FBN1: variants seen among roughly 807,000 people sequenced by gnomAD.
FBN1 encodes the protein fibrillin-1.
FBN1 carries 29 observed loss-of-function variants against 365.1 expected under a neutral mutation model. The observed-to-expected ratio is 0.08, with a 90% confidence interval of 0.06 to 0.11. The LOEUF (loss-of-function observed/expected upper bound fraction) is 0.11. Ranked by LOEUF, FBN1 falls within the 10% of genes least tolerant of loss-of-function variation. The probability of loss-of-function intolerance (pLI) is 1.00; values close to 1 mark genes in which losing one functional copy is unlikely to be tolerated. For missense variants in FBN1, 2,476 were observed against 3,703.2 expected (o/e 0.67, Z 8.60); for synonymous variants, 1,210 against 1,270.5 (o/e 0.95, Z 1.01).
In FBN1 at chr15:48,428,355, C is replaced by T. The variant is rs1042807324; in HGVS notation, c.6988G>A (p.Glu2330Lys). 1.5e-5 allele frequency: 24 copies of T among 1,613,980 alleles called. No homozygotes were observed. The East Asian group carries it at 3.3e-4, about 22-fold the overall frequency. ...DGFTASPNQD[E>K]CLDNREGYCF... The stretch of plus-strand genomic sequence containing the variant: ...TGCCAACTGTACTCACCAAGGCACT[C>T]GTCCTGGTTGGGGCTGGCGGTAAAC... Residue 2330 changes from glutamate to lysine, a missense_variant, in exon 57 of 66, where the codon GAG becomes AAG. Glu to Lys is a moderately conservative substitution (Grantham distance 56, BLOSUM62 1). Transcript: ENST00000316623.
At chr15:48,587,064 T>G (rs1020637541) in intron 6 of FBN1, among the ~76,000 whole-genome samples, 30 of 152,158 alleles carry the variant, frequency 2.0e-4, no homozygotes, top group Non-Finnish European at 1.5e-5. Flanking sequence ...AAAAATGATA[T>G]TATATCCATG....
In FBN1 at chr15:48,569,163, G is replaced by T. The variant is rs530773043; in HGVS notation, c.538+27120C>A. 5.3e-5 allele frequency among the ~76,000 whole-genome samples: 8 copies of T among 152,082 alleles called. 1 individual carries two copies. In the East Asian group the frequency reaches 1.5e-3, roughly 29 times the overall value. ...GAAGATAACCCAATTTTAAAAGCCG[G>T]CAAGACATTAGAGTAAACATGTTAC... On this transcript the variant is annotated intron_variant, in intron 6 of 65. Transcript: ENST00000316623.
intron 43 of FBN1, 94 bp from the exon 44 acceptor site, chr15:48,456,856 G>GTT: frequency 1.8e-6 from 2 of 1,098,868 alleles, no homozygotes; most frequent in Non-Finnish European, 2.7e-6. Context: ...GTGTGTGTGT[G>GTT]TGTGTGTGTG....
At chr15:48,466,425 T>C (rs896827531) in intron 38 of FBN1, among the ~76,000 whole-genome samples, 4 of 152,250 alleles carry the variant, frequency 2.6e-5, no homozygotes, top group Non-Finnish European at 4.4e-5. Context: ...TTCTATAGTG[T>C]CCTTGGGTTT....
rs1200108913 is a variant in FBN1 at position 48,535,799 on chromosome 15, TTA to T, written c.737-1596_737-1595del. ...TGATTATATGTGGAAAATCATTAAA[TTA>T]TGTTTTCTAGCCAATTTCAGTTTTG... On this transcript the variant is annotated intron_variant, in intron 7 of 65. Transcript: ENST00000316623. 5.3e-5 allele frequency among the ~76,000 whole-genome samples: 8 copies of T among 152,352 alleles called. No individual in the cohort carries two copies. The East Asian group carries it at 1.2e-3, about 22-fold the overall frequency.
chr15:48,541,277 T>C (rs2044055799), intron 6 of FBN1, among the ~76,000 whole-genome samples: 1 of 152,240 alleles, frequency 6.6e-6, no homozygotes, highest in Admixed American at 6.5e-5. Flanking sequence ...ATTTGGCGAA[T>C]ACTTTATGTA....
In FBN1 at chr15:48,425,355, C is replaced by G; in HGVS notation, c.7453+14G>C. 6.2e-7 allele frequency: 1 copy of G among 1,613,980 alleles called. No individual in the cohort carries two copies. The highest frequency in any genetic ancestry group is 8.5e-7 in the Non-Finnish European group (1 of 1,179,978). ...CAGGAGCTAGGTGAGGGGCAATGGT[C>G]AATTCTACTTTACCTTTGCAGCTCC... On this transcript the variant is annotated intron_variant, in intron 60 of 65. Transcript: ENST00000316623.
chr15:48,536,069 A>AC (rs1436217173), intron 7 of FBN1, among the ~76,000 whole-genome samples: 3 of 152,152 alleles, frequency 2.0e-5, no homozygotes, highest in Non-Finnish European at 4.4e-5. Context: ...GACTGGAAAC[A>AC]CCAGCAAGGA....
Position 48,415,697 on chromosome 15 carries a change from C to G in FBN1, c.7890G>C (p.Lys2630Asn). Residue 2630 changes from lysine to asparagine, a missense_variant, in exon 64 of 66, where the codon AAG (lysine) becomes AAC (asparagine). By Grantham distance (94) the Lys-to-Asn change is moderately conservative. This residue lies in a region of FBN1 where 1,780 missense variants were observed against 2,840.8 expected (regional missense o/e 0.63). Transcript: ENST00000316623. ...ASCHNTLGSY[K>N]CMCPAGFQYE... ...ACTGGAAGCCGGCGGGACACATGCA[C>G]TTGTAGCTCCCCAGGGTGTTGTGAC... 6.2e-7 allele frequency: 1 copy of G among 1,614,254 alleles called. No homozygotes were observed. Among genetic ancestry groups the G allele is most frequent in the Non-Finnish European group, 8.5e-7 (1 of 1,180,036 alleles).
At chr15:48,468,606 G>A in intron 36 of FBN1, 72 bp from the exon 37 acceptor site, 1 of 1,543,390 alleles carries the variant, frequency 6.5e-7, no homozygotes, top group Non-Finnish European at 8.9e-7. Flanking sequence ...AAAAGAACAG[G>A]GCCCAATCTA....
chr15:48,451,497 C>T (rs952371540), intron 45 of FBN1, among the ~76,000 whole-genome samples: 2 of 151,850 alleles, frequency 1.3e-5, no homozygotes, highest in African/African-American at 4.8e-5. Flanking sequence ...GCAATTACAC[C>T]CTCTTCCCAC....
At chr15:48,572,180 A>T (rs2044310889) in intron 6 of FBN1, among the ~76,000 whole-genome samples, 1 of 152,176 alleles carries the variant, frequency 6.6e-6, no homozygotes, top group Non-Finnish European at 1.5e-5. Context: ...ATCTATTATG[A>T]ATATGGATTA....
chr15:48,575,124 G>A (rs542535361), intron 6 of FBN1, among the ~76,000 whole-genome samples: 1 of 152,302 alleles, frequency 6.6e-6, no homozygotes, highest in South Asian at 2.1e-4. Context: ...ATGAAAGACA[G>A]GAGTATTCTT....
intron 6 of FBN1, among the ~76,000 whole-genome samples, chr15:48,576,414 G>T (rs1318599605): frequency 6.6e-6 from 1 of 152,018 alleles, no homozygotes; most frequent in Non-Finnish European, 1.5e-5. Context: ...CTCCCTTTGT[G>T]CACATGTCTA....
intron 54 of FBN1, among the ~76,000 whole-genome samples, chr15:48,433,697 G>T (rs893181447): frequency 1.3e-5 from 2 of 152,190 alleles, no homozygotes; most frequent in Non-Finnish European, 2.9e-5. Flanking sequence ...CTATCATGTT[G>T]CTCCCCAAGG....
chr15:48,633,430 C>T (rs1042897972), intron 2 of FBN1, among the ~76,000 whole-genome samples: 2 of 152,190 alleles, frequency 1.3e-5, no homozygotes, highest in Admixed American at 6.5e-5. Context: ...GACTCTTTGA[C>T]TGCCAATTAG....
rs898503215 is a variant in FBN1 at position 48,410,008 on chromosome 15, CTT to C, written c.*980_*981del. The C allele has an allele frequency of 1.3e-5, 2 of 152,570 alleles. No individual in the cohort carries two copies. The highest frequency in any genetic ancestry group is 4.8e-5 in the African/African-American group (2 of 41,428). 9.5% of individuals were successfully genotyped at this position (152,570 alleles called of 1,614,324 possible). A position where few individuals can be genotyped will look rare whatever the true frequency, so the allele number is the denominator to read the frequency against. On this transcript the variant is annotated 3_prime_UTR_variant, in exon 66 of 66. Transcript: ENST00000316623. ...CCCAGGATAATTTAAATCCAGGAGACTTTATTTAGCCTCCGGAATGGCCCCTC... is the reference window on the plus strand; with the variant it reads ...CCCAGGATAATTTAAATCCAGGAGACTATTTAGCCTCCGGAATGGCCCCTC...
chr15:48,564,057 C>G (rs1460337309), intron 6 of FBN1, among the ~76,000 whole-genome samples: 5 of 152,090 alleles, frequency 3.3e-5, no homozygotes, highest in Non-Finnish European at 5.9e-5. Flanking sequence ...CATCTGGATC[C>G]TTTTATATAC....
Position 48,421,932 on chromosome 15 carries a change from T to C in FBN1, c.7570+20A>G, listed in dbSNP as rs1323030606. 3 of 1,541,448 alleles carry C rather than the reference T, an allele frequency of 1.9e-6. No homozygotes were observed. The highest frequency in any genetic ancestry group is 2.2e-5 in the East Asian group (1 of 44,522). On this transcript the variant is annotated intron_variant, in intron 61 of 65. Transcript: ENST00000316623. ...AAGAATCGCTACAATCCATGTAGGA[T>C]TTTTTCCTCTCCTACTCACCAATGC...
Sources: allele counts gnomAD v4.1 joint callset (sites outside exome capture counted in the v4.1 genomes callset), GRCh38; gene constraint gnomAD v4.1.1; regional missense constraint gnomAD v4.1.1; transcripts MANE v1.5; gene names NCBI Gene and HGNC (gene_info 2026-07-23, HGNC 2026-07-21).